MMP26: variants seen among roughly 807,000 people sequenced by gnomAD.
The protein encoded by MMP26 is matrix metalloproteinase-26.
A neutral mutation model predicts 31.0 loss-of-function variants in MMP26; 33 were observed. The ratio of observed to expected loss-of-function variants is 1.06; its 90% confidence interval spans 0.81 to 1.42. The LOEUF is 1.42. Among genes scored for constraint, MMP26 ranks in the 40% most tolerant of loss-of-function variants. MMP26 has a pLI of 0.00. For synonymous variants in MMP26, 122 were observed against 114.9 expected (o/e 1.06, Z -0.40); for missense variants, 347 against 316.1 (o/e 1.10, Z -0.74).
chr11:4,891,297 C>A (rs1353532355), intron 2 of MMP26, among the ~76,000 whole-genome samples: 3 of 151,992 alleles, frequency 2.0e-5, no homozygotes, highest in Non-Finnish European at 4.4e-5. Context: ...TTATTCATGA[C>A]AGAAGGTGAA....
intron 2 of MMP26, chr11:4,973,029 G>A (rs1229958185): frequency 1.3e-5 from 2 of 154,432 alleles, no homozygotes; most frequent in African/African-American, 4.8e-5. Context: ...TTCATCAATG[G>A]AGGCACCAGC....
At chr11:4,841,655 G>T (rs116257927) in intron 2 of MMP26, among the ~76,000 whole-genome samples, 2 of 152,122 alleles carry the variant, frequency 1.3e-5, no homozygotes, top group Non-Finnish European at 2.9e-5. Flanking sequence ...ATGCTAGCCC[G>T]AGCATGGCGG....
chr11:4,829,169 A>G (rs1849614429), intron 2 of MMP26, among the ~76,000 whole-genome samples: 1 of 152,182 alleles, frequency 6.6e-6, no homozygotes, highest in Admixed American at 6.6e-5. Context: ...AAAAATTCTG[A>G]CCTTAAGTAG....
chr11:4,805,988 G>C (rs889905479), intron 2 of MMP26, among the ~76,000 whole-genome samples: 1 of 151,928 alleles, frequency 6.6e-6, no homozygotes, highest in East Asian at 1.9e-4. Flanking sequence ...GGCAAGAAAA[G>C]TATGCATTTA....
intron 2 of MMP26, chr11:4,848,964 AC>A: frequency 6.2e-7 from 1 of 1,614,148 alleles, no homozygotes; most frequent in Non-Finnish European, 8.5e-7. Flanking sequence ...CAGGGCAGTG[AC>A]CAATCCAATA....
At chr11:4,882,587 A>T (rs568723296) in intron 2 of MMP26, 2 of 1,613,894 alleles carry the variant, frequency 1.2e-6, no homozygotes, top group South Asian at 2.2e-5. Flanking sequence ...TGTTCTGGGC[A>T]TTGTGGCCCG....
intron 2 of MMP26, among the ~76,000 whole-genome samples, chr11:4,791,142 C>T (rs772621349): frequency 6.6e-6 from 1 of 152,118 alleles, no homozygotes; most frequent in Non-Finnish European, 1.5e-5. Flanking sequence ...AAAGAGGCCA[C>T]AATTTGTGCT....
chr11:4,775,593 G>T (rs577589780), intron 2 of MMP26, among the ~76,000 whole-genome samples: 1 of 152,214 alleles, frequency 6.6e-6, no homozygotes, highest in East Asian at 1.9e-4. Context: ...AGAAACAGAG[G>T]TTTATTTGGC....
intron 2 of MMP26, among the ~76,000 whole-genome samples, chr11:4,982,062 G>A (rs1273275089): frequency 6.8e-6 from 1 of 147,232 alleles, no homozygotes; most frequent in Non-Finnish European, 1.5e-5. Flanking sequence ...ATATATGTAT[G>A]TATGTATATA....
intron 1 of MMP26, among the ~76,000 whole-genome samples, chr11:4,764,443 G>A (rs2133413448): frequency 6.6e-6 from 1 of 152,290 alleles, no homozygotes; most frequent in South Asian, 2.1e-4. Context: ...AATATACTGG[G>A]CCTGTGCACA....
intron 2 of MMP26, among the ~76,000 whole-genome samples, chr11:4,939,774 A>G (rs1564811025): frequency 6.6e-6 from 1 of 152,134 alleles, no homozygotes; most frequent in Non-Finnish European, 1.5e-5. Flanking sequence ...GCTTCCTTGG[A>G]TATCTATAGC....
intron 2 of MMP26, chr11:4,849,195 G>A (rs1589918904): frequency 6.2e-7 from 1 of 1,609,822 alleles, no homozygotes; most frequent in Non-Finnish European, 8.5e-7. Flanking sequence ...TATCTGAGTT[G>A]GTAATGTTGA....
At chr11:4,800,877 AT>A (rs1849171929) in intron 2 of MMP26, among the ~76,000 whole-genome samples, 2 of 118,872 alleles carry the variant, frequency 1.7e-5, no homozygotes, top group African/African-American at 5.1e-5. Context: ...TCAAACTTTC[AT>A]AGGTCCCTAG....
intron 2 of MMP26, among the ~76,000 whole-genome samples, chr11:4,869,695 T>G (rs1422612223): frequency 1.3e-5 from 2 of 152,190 alleles, no homozygotes; most frequent in Admixed American, 6.5e-5. Flanking sequence ...AAATACCATT[T>G]GACCCAGCAA....
chr11:4,825,226 T>C (rs543162211), intron 2 of MMP26, among the ~76,000 whole-genome samples: 1 of 152,270 alleles, frequency 6.6e-6, no homozygotes, highest in South Asian at 2.1e-4. Context: ...TTCAAAAGTC[T>C]CAAGATTTGA....
chr11:4,725,034 G>T (rs963024278), intron 1 of MMP26, among the ~76,000 whole-genome samples: 3 of 152,170 alleles, frequency 2.0e-5, no homozygotes, highest in African/African-American at 7.2e-5. Flanking sequence ...TGCTGTTTTT[G>T]CATAGTGATT....
intron 2 of MMP26, among the ~76,000 whole-genome samples, chr11:4,840,714 G>T (rs1849782132): frequency 6.6e-6 from 1 of 152,182 alleles, no homozygotes; most frequent in South Asian, 2.1e-4. Context: ...TGGGTACAAA[G>T]AAGCCCAGAC....
intron 2 of MMP26, among the ~76,000 whole-genome samples, chr11:4,770,349 A>T (rs2898968): frequency 1.3e-5 from 2 of 152,024 alleles, no homozygotes; most frequent in African/African-American, 4.8e-5. Flanking sequence ...CCATAAGGGT[A>T]TGAGTCTGCA....
At chr11:4,900,547 A>G (rs1235086526) in intron 2 of MMP26, among the ~76,000 whole-genome samples, 1 of 152,166 alleles carries the variant, frequency 6.6e-6, no homozygotes, top group East Asian at 1.9e-4. Flanking sequence ...TAGCTACTTC[A>G]ATTAGGAGCC....
Sources: gnomAD v4.1 joint callset for allele counts (sites outside exome capture counted in the v4.1 genomes callset) on GRCh38, gnomAD v4.1.1 for gene constraint, MANE v1.5 for transcripts, NCBI Gene and HGNC (gene_info 2026-07-23, HGNC 2026-07-21) for gene names.